SLIT2: variants seen among roughly 807,000 people sequenced by gnomAD.
SLIT2 encodes slit guidance ligand 2, also known as slit homolog 2 protein.
Under a neutral mutation model 185.7 loss-of-function variants are expected in SLIT2, and 41 were observed. The observed-to-expected ratio is 0.22, with a 90% CI of 0.17 to 0.29. SLIT2 has a LOEUF of 0.29. Among genes scored for constraint, SLIT2 ranks in the 10% least tolerant of loss-of-function variants. The pLI is 1.00. For synonymous variants in SLIT2, 693 were observed against 680.2 expected (o/e 1.02, Z -0.29); for missense variants, 1,571 against 1,909.0 (o/e 0.82, Z 3.30).
At chr4:20,568,364 A>G (rs532540859) in intron 28 of SLIT2, among the ~76,000 whole-genome samples, 1 of 152,236 alleles carries the variant, frequency 6.6e-6, no homozygotes, top group African/African-American at 2.4e-5. Flanking sequence ...GACAAAGAGA[A>G]CATTCACATT....
chr4:20,473,139 A>G lies in SLIT2; in HGVS notation c.467+5316A>G, dbSNP rs192610785. On this transcript the variant is annotated intron_variant, in intron 5 of 36. Coordinates refer to ENST00000504154, the MANE Select transcript of SLIT2 (RefSeq NM_004787.4). Reference sequence around the variant, plus strand: ...CTTTCTGCTGCTTTAATTTTGCAATACATCCACAAAGTGCATCCTCTATTC... The same window carrying G: ...CTTTCTGCTGCTTTAATTTTGCAATGCATCCACAAAGTGCATCCTCTATTC... Among the ~76,000 whole-genome samples the G allele has an allele frequency of 3.9e-4, 55 of 141,422 alleles. 1 individual carries two copies. Among genetic ancestry groups the G allele is most frequent in the African/African-American group, 1.1e-3 (40 of 37,208 alleles). 92.8% of individuals were successfully genotyped at this position (141,422 alleles called of 152,430 possible). A position where few individuals can be genotyped will look rare whatever the true frequency, so the allele number is the denominator to read the frequency against.
chr4:20,612,775 G>A (rs969790700), intron 34 of SLIT2, among the ~76,000 whole-genome samples: 7 of 152,010 alleles, frequency 4.6e-5, no homozygotes, highest in Admixed American at 6.6e-5. Context: ...AAAATTAGCC[G>A]GGCATGGTGG....
intron 5 of SLIT2, among the ~76,000 whole-genome samples, chr4:20,472,278 A>C (rs74988356): frequency 5.2e-4 from 17 of 32,758 alleles, no homozygotes; most frequent in South Asian, 2.9e-3. Flanking sequence ...ATATATATCT[A>C]TATATATAGA....
intron 4 of SLIT2, among the ~76,000 whole-genome samples, chr4:20,342,962 G>T (rs1721087932): frequency 6.8e-6 from 1 of 146,064 alleles, no homozygotes; most frequent in African/African-American, 2.5e-5. Flanking sequence ...TATTTTTGAT[G>T]CATTATACTT....
chr4:20,313,899 C>A (rs1167241040), intron 4 of SLIT2, among the ~76,000 whole-genome samples: 1 of 152,180 alleles, frequency 6.6e-6, no homozygotes, highest in African/African-American at 2.4e-5. Context: ...GGCCATGGAT[C>A]AGCACTGGTC....
intron 9 of SLIT2, among the ~76,000 whole-genome samples, chr4:20,510,130 T>A (rs953847488): frequency 8.5e-5 from 13 of 152,208 alleles, no homozygotes; most frequent in Admixed American, 2.6e-4. Context: ...CTAAAATATG[T>A]AATAGATCTA....
At chr4:20,428,739 C>A (rs922714567) in intron 4 of SLIT2, among the ~76,000 whole-genome samples, 1 of 152,086 alleles carries the variant, frequency 6.6e-6, no homozygotes, top group South Asian at 2.1e-4. Context: ...TATTCTGCAT[C>A]GTTTTTTCCA....
intron 4 of SLIT2, among the ~76,000 whole-genome samples, chr4:20,323,532 C>CT (rs895235564): frequency 1.7e-4 from 25 of 149,880 alleles, no homozygotes; most frequent in Non-Finnish European, 2.7e-4. Flanking sequence ...TAAATCTGAT[C>CT]TTTTTTTTTT....
intron 2 of SLIT2, among the ~76,000 whole-genome samples, chr4:20,257,260 T>C (rs1560259785): frequency 6.6e-6 from 1 of 152,106 alleles, no homozygotes; most frequent in South Asian, 2.1e-4. Context: ...GTAGCTTCTA[T>C]AAAATTGTTG....
intron 4 of SLIT2, among the ~76,000 whole-genome samples, chr4:20,413,919 A>G (rs1333853490): frequency 6.6e-6 from 1 of 152,032 alleles, no homozygotes; most frequent in Non-Finnish European, 1.5e-5. Flanking sequence ...TTTACTTAGT[A>G]AAGTAATATT....
chr4:20,518,518 C>T lies in SLIT2; in HGVS notation c.1059-864C>T, dbSNP rs1197345005. Among the ~76,000 whole-genome samples, 17 of 107,684 alleles carry T rather than the reference C, an allele frequency of 1.6e-4. No homozygotes were observed. The South Asian group carries it at 5.1e-3, about 33-fold the overall frequency. 70.6% of individuals were successfully genotyped at this position (107,684 alleles called of 152,430 possible). A position where few individuals can be genotyped will look rare whatever the true frequency, so the allele number is the denominator to read the frequency against. ...CCGCCGGCCTCGGCCTCCCAAAGTG[C>T]TGGGATTACAGGCATGAGCCACTGT... On this transcript the variant is annotated intron_variant, in intron 11 of 36. Coordinates refer to ENST00000504154, the MANE Select transcript of SLIT2 (RefSeq NM_004787.4).
chr4:20,447,777 C>A (rs1711981671), intron 4 of SLIT2, among the ~76,000 whole-genome samples: 1 of 152,206 alleles, frequency 6.6e-6, no homozygotes, highest in Non-Finnish European at 1.5e-5. Context: ...CTCCTAAACA[C>A]ACGGACACAC....
intron 30 of SLIT2, among the ~76,000 whole-genome samples, chr4:20,591,037 G>A (rs1272128418): frequency 6.6e-6 from 1 of 152,178 alleles, no homozygotes; most frequent in Non-Finnish European, 1.5e-5. Flanking sequence ...GCTTTCATCA[G>A]ACAGCTAGCA....
chr4:20,551,731 C>G (rs1045339293), intron 25 of SLIT2, among the ~76,000 whole-genome samples: 3 of 152,096 alleles, frequency 2.0e-5, no homozygotes, highest in African/African-American at 4.8e-5. Context: ...CCTGCCATAT[C>G]CTCTCCTGGT....
At position 20,316,645 on chromosome 4, in the gene SLIT2, A is replaced by G. The variant is rs558983926; in HGVS notation, c.395+47764A>G. On this transcript the variant is annotated intron_variant, in intron 4 of 36. Transcript: ENST00000504154. ...AAGTATTGCCTTTTATTATATTTAT[A>G]TATAAATATGTTTTATATATTTGTA... is the stretch of plus-strand genomic sequence containing the variant. Among the ~76,000 whole-genome samples, 556 of 151,608 alleles carry G rather than the reference A, an allele frequency of 3.7e-3. 2 individuals are homozygous for G. The highest frequency in any genetic ancestry group is 4.9e-3 in the Non-Finnish European group (331 of 67,746).
intron 4 of SLIT2, chr4:20,392,290 C>T (rs1003498157): frequency 4.0e-5 from 6 of 151,706 alleles, no homozygotes; most frequent in South Asian, 2.1e-4. Context: ...CTGAACATAC[C>T]GAAATATAGA....
At position 20,299,383 on chromosome 4, in the gene SLIT2, T is replaced by C. The variant is rs183407657; in HGVS notation, c.395+30502T>C. Among the ~76,000 whole-genome samples, 20 of 152,352 alleles carry C rather than the reference T, an allele frequency of 1.3e-4. No homozygotes were observed. The East Asian group carries it at 3.9e-3, about 29-fold the overall frequency. On this transcript the variant is annotated intron_variant, in intron 4 of 36. Coordinates refer to ENST00000504154, the MANE Select transcript of SLIT2 (RefSeq NM_004787.4). ...ACCATGTTTTTAGTGAAGAAATAGC[T>C]ATTATACTTTCTTGTACAGTTCGTT...
At chr4:20,545,864 T>A (rs1017035319) in intron 21 of SLIT2, among the ~76,000 whole-genome samples, 167 bp from the exon 22 acceptor site, 7 of 152,066 alleles carry the variant, frequency 4.6e-5, no homozygotes, top group Admixed American at 1.3e-4. Flanking sequence ...CTGCTTTTTT[T>A]TTTTCTTTAC....
chr4:20,375,941 T>C (rs1431078071), intron 4 of SLIT2, among the ~76,000 whole-genome samples: 1 of 152,018 alleles, frequency 6.6e-6, no homozygotes, highest in Non-Finnish European at 1.5e-5. Context: ...CTTGTCATTA[T>C]GTGCATTATA....
Sources: gnomAD v4.1 joint callset for allele counts (sites outside exome capture counted in the v4.1 genomes callset) on GRCh38, gnomAD v4.1.1 for gene constraint, MANE v1.5 for transcripts, NCBI Gene and HGNC (gene_info 2026-07-23, HGNC 2026-07-21) for gene names.